Variants in POLA2 observed in about 807,000 individuals in gnomAD.
POLA2 encodes DNA polymerase alpha subunit B.
A neutral mutation model predicts 82.8 loss-of-function variants in POLA2; 47 were observed. That is an observed-to-expected ratio of 0.57 (90% CI 0.45 to 0.72). The LOEUF (loss-of-function observed/expected upper bound fraction) is 0.72, where lower values mean the gene tolerates loss of function less well. POLA2 is among the 30% of genes least tolerant of loss of function. The pLI is 0.00. For missense variants in POLA2, 634 were observed against 728.1 expected (o/e 0.87, Z 1.49); for synonymous variants, 287 against 286.8 (o/e 1.00, Z -0.01).
At chr11:65,294,692 T>C in intron 15 of POLA2, 40 bp downstream of exon 15, 1 of 1,377,328 alleles carries the variant, frequency 7.3e-7, no homozygotes, top group South Asian at 1.2e-5. Context: ...GATGACTGGC[T>C]TTCTGGTCCC....
At chr11:65,280,531 A>G (rs1949628785) in intron 7 of POLA2, 1 of 154,200 alleles carries the variant, frequency 6.5e-6, no homozygotes, top group South Asian at 2.0e-4. Flanking sequence ...ATACAGTAAT[A>G]TCCACCCGAT....
chr11:65,277,114 G>A (rs1949589520), intron 5 of POLA2, among the ~76,000 whole-genome samples: 1 of 151,624 alleles, frequency 6.6e-6, no homozygotes, highest in Non-Finnish European at 1.5e-5. Flanking sequence ...CTTTAGAAAG[G>A]TGGTGATAGA....
chr11:65,292,118 A>G (rs1344826621), intron 13 of POLA2, among the ~76,000 whole-genome samples: 1 of 152,196 alleles, frequency 6.6e-6, no homozygotes, highest in Non-Finnish European at 1.5e-5. Flanking sequence ...GGGTGCTTGT[A>G]GTCTCAGCTA....
At chr11:65,268,620 G>T in intron 3 of POLA2, 52 bp from the exon 4 acceptor site, 1 of 1,178,444 alleles carries the variant, frequency 8.5e-7, no homozygotes, top group Non-Finnish European at 1.3e-6. Flanking sequence ...GGGATTACAG[G>T]CATGAGCTAC....
downstream of POLA2, chr11:65,298,715 T>C (rs943740140): frequency 6.6e-6 from 1 of 152,290 alleles, no homozygotes; most frequent in African/African-American, 2.4e-5. Flanking sequence ...ATTAGTTTTA[T>C]AGGCACCTCC....
At chr11:65,268,793 T>C in intron 4 of POLA2, 64 bp downstream of exon 4, 1 of 1,104,610 alleles carries the variant, frequency 9.1e-7, no homozygotes, top group Non-Finnish European at 1.3e-6. Context: ...TTCACAACAT[T>C]TGAAGATCTG....
At chr11:65,272,465 C>G (rs575253147) in intron 4 of POLA2, among the ~76,000 whole-genome samples, 2 of 152,276 alleles carry the variant, frequency 1.3e-5, no homozygotes, top group African/African-American at 4.8e-5. Flanking sequence ...AAATATTTCA[C>G]CTGTACGATT....
chr11:65,287,353 C>T (rs1381246302), intron 10 of POLA2, among the ~76,000 whole-genome samples: 1 of 152,196 alleles, frequency 6.6e-6, no homozygotes, highest in African/African-American at 2.4e-5. Flanking sequence ...ACACTCAGGT[C>T]TCAGTGCTAT....
chr11:65,286,283 GA>G (rs1453314637), intron 10 of POLA2, among the ~76,000 whole-genome samples: 15 of 152,176 alleles, frequency 9.9e-5, no homozygotes, highest in African/African-American at 3.6e-4. Flanking sequence ...CTGAAAGCTG[GA>G]AAAGGCAAGG....
At chr11:65,262,517 TTGAG>T in intron 1 of POLA2, 146 bp downstream of exon 1, 1 of 656,432 alleles carries the variant, frequency 1.5e-6, no homozygotes, top group South Asian at 2.0e-5. Flanking sequence ...AGAATCAAAC[TTGAG>T]TTTTGAGATT....
chr11:65,265,515 C>G (rs1014763782), intron 1 of POLA2, among the ~76,000 whole-genome samples: 5 of 152,002 alleles, frequency 3.3e-5, no homozygotes, highest in East Asian at 1.9e-4. Flanking sequence ...GGGTCTTGCT[C>G]TGTTGCCCAG....
rs572913995 is a variant in POLA2, at chr11:65,288,512, G to GTTT, written c.1132-523_1132-521dup. On this transcript the variant is annotated intron_variant, in intron 11 of 17. Coordinates refer to ENST00000265465, the MANE Select transcript of POLA2 (RefSeq NM_002689.4). ...CATTTTTATTGTTCGTTTGTTTTTT[G>GTTT]TTTTTTTTTTTTTTTTTGGGACAGA... Among the ~76,000 whole-genome samples the GTTT allele has an allele frequency of 4.4e-4, 53 of 119,926 alleles. 1 individual carries two copies. The highest frequency in any genetic ancestry group is 9.7e-4 in the East Asian group (4 of 4,114). 78.7% of individuals were successfully genotyped at this position (119,926 alleles called of 152,430 possible). A position where few individuals can be genotyped will look rare whatever the true frequency, so the allele number is the denominator to read the frequency against.
chr11:65,273,016 A>G (rs1334120291), intron 4 of POLA2, among the ~76,000 whole-genome samples: 1 of 150,324 alleles, frequency 6.7e-6, no homozygotes, highest in East Asian at 2.0e-4. Context: ...CATCTCAAAA[A>G]AAAAAAAGAA....
chr11:65,290,373 C>T (rs187215477), intron 13 of POLA2, among the ~76,000 whole-genome samples: 36 of 151,694 alleles, frequency 2.4e-4, no homozygotes, highest in Admixed American at 1.1e-3. Flanking sequence ...CCTATCTCTA[C>T]TAAAATTACA....
chr11:65,262,478 G>A (rs1348364608), intron 1 of POLA2, 107 bp downstream of exon 1: 1 of 856,084 alleles, frequency 1.2e-6, no homozygotes, highest in Non-Finnish European at 1.8e-6. Flanking sequence ...ACTTCCCCTG[G>A]AGCAGAGTTC....
In POLA2 at chr11:65,268,627, C is replaced by A. The variant is rs993762166; in HGVS notation, c.297-45C>A. ...AAAGTGCTGGGATTACAGGCATGAG[C>A]TACCGTGCCCAGCCATTATTGTTTT... On this transcript the variant is annotated intron_variant, in intron 3 of 17. Transcript: ENST00000265465. 6 of 1,275,864 alleles carry A rather than the reference C, an allele frequency of 4.7e-6. No homozygotes were observed. In the African/African-American group the frequency reaches 8.9e-5, roughly 19 times the overall value. The allele number at this position is 1,275,864 out of a possible 1,614,324, so 79.0% of individuals were successfully genotyped here.
intron 4 of POLA2, 117 bp downstream of exon 4, chr11:65,268,846 C>T (rs1267357325): frequency 1.7e-6 from 1 of 598,366 alleles, no homozygotes; most frequent in Non-Finnish European, 2.9e-6. Flanking sequence ...TACTATATTT[C>T]CACTTATACA....
intron 13 of POLA2, among the ~76,000 whole-genome samples, chr11:65,293,277 A>C (rs115586550): frequency 6.6e-6 from 1 of 151,970 alleles, no homozygotes; most frequent in African/African-American, 2.4e-5. Flanking sequence ...ATTATGGCCC[A>C]GTGTTCAGTC....
intron 8 of POLA2, among the ~76,000 whole-genome samples, chr11:65,305,070 A>G (rs1949879941): frequency 7.0e-6 from 1 of 142,186 alleles, no homozygotes; most frequent in South Asian, 2.2e-4. Flanking sequence ...GGGCTAACCT[A>G]TCACCTAATC....
Sources: allele counts gnomAD v4.1 joint callset (sites outside exome capture counted in the v4.1 genomes callset), GRCh38; gene constraint gnomAD v4.1.1; transcripts MANE v1.5; gene names NCBI Gene and HGNC (gene_info 2026-07-23, HGNC 2026-07-21).